BCLAF1: variants seen among roughly 807,000 people sequenced by gnomAD.
BCLAF1 encodes bcl-2-associated transcription factor 1.
Under a neutral mutation model 99.5 loss-of-function variants are expected in BCLAF1, and 10 were observed. The observed-to-expected ratio is 0.10, with a 90% CI of 0.06 to 0.17. The LOEUF (loss-of-function observed/expected upper bound fraction) is 0.17. Among genes scored for constraint, BCLAF1 ranks in the 10% least tolerant of loss-of-function variants. BCLAF1 has a pLI of 1.00. For missense variants in BCLAF1, 636 were observed against 1,105.8 expected (o/e 0.58, Z 6.02); for synonymous variants, 255 against 370.9 (o/e 0.69, Z 3.59).
intron 6 of BCLAF1, chr6:136,274,256 G>A: frequency 3.6e-6 from 3 of 827,972 alleles, no homozygotes; most frequent in Non-Finnish European, 5.1e-6. Flanking sequence ...GAGCTGTTCA[G>A]ATCGGTTGCA....
Position 136,288,901 on chromosome 6 carries a change from G to T in BCLAF1, c.-115+812C>A, listed in dbSNP as rs3799402. On this transcript the variant is annotated intron_variant, in intron 1 of 12. Coordinates refer to ENST00000531224, the MANE Select transcript of BCLAF1 (RefSeq NM_014739.3). ...AAGACTCGGCTTCGCTAGTACTCAT[G>T]AAGAACCGCACTTTCAGCCGGATGG... is the stretch of plus-strand genomic sequence containing the variant. Among the ~76,000 whole-genome samples, 149 of 152,324 alleles carry T rather than the reference G, an allele frequency of 9.8e-4. 3 individuals are homozygous for T. In the East Asian group the frequency reaches 0.023, roughly 24 times the overall value.
At chr6:136,273,843 A>G (rs866764157) in intron 6 of BCLAF1, 49 of 481,588 alleles carry the variant, frequency 1.0e-4, no homozygotes, top group Middle Eastern at 1.9e-3. Context: ...TTTTAAAACC[A>G]GTTCAAGATA....
At chr6:136,264,334 G>A (rs1289614080) in intron 11 of BCLAF1, among the ~76,000 whole-genome samples, 6 of 152,054 alleles carry the variant, frequency 3.9e-5, no homozygotes, top group Non-Finnish European at 8.8e-5. Context: ...AGCCTCCCGA[G>A]TAGTTGGGAC....
intron 11 of BCLAF1, 97 bp from the exon 12 acceptor site, chr6:136,261,574 G>T: frequency 8.1e-7 from 1 of 1,238,992 alleles, no homozygotes; most frequent in Non-Finnish European, 1.1e-6. Context: ...CTGAAGATTG[G>T]GTATATGAGA....
intron 1 of BCLAF1, among the ~76,000 whole-genome samples, chr6:136,285,633 T>C (rs542095876): frequency 2.5e-4 from 38 of 152,310 alleles, no homozygotes; most frequent in African/African-American, 8.9e-4. Flanking sequence ...AAGGAATAAA[T>C]TGCCATATGT....
At chr6:136,287,872 T>A (rs1013656523) in intron 1 of BCLAF1, among the ~76,000 whole-genome samples, 1 of 152,022 alleles carries the variant, frequency 6.6e-6, no homozygotes, top group African/African-American at 2.4e-5. Context: ...AATACAAAAA[T>A]TAGCCCGGTG....
chr6:136,268,540 C>T, intron 9 of BCLAF1: 3 of 534,170 alleles, frequency 5.6e-6, no homozygotes, highest in African/African-American at 3.9e-5. Context: ...TAATGAAAAA[C>T]ATGCTAGGGC....
At chr6:136,270,892 ATTAT>A (rs1393226760) in intron 8 of BCLAF1, among the ~76,000 whole-genome samples, 1 of 151,828 alleles carries the variant, frequency 6.6e-6, no homozygotes, top group Non-Finnish European at 1.5e-5. Context: ...AACCCAAGAT[ATTAT>A]TTAAGTTAAA....
chr6:136,286,770 C>A (rs1185025946), intron 1 of BCLAF1, among the ~76,000 whole-genome samples: 2 of 152,128 alleles, frequency 1.3e-5, no homozygotes, highest in African/African-American at 4.8e-5. Context: ...GAGTTCGAGA[C>A]CAGCCTGGCC....
chr6:136,286,668 G>A (rs748233259), intron 1 of BCLAF1, among the ~76,000 whole-genome samples: 1 of 152,122 alleles, frequency 6.6e-6, no homozygotes, highest in African/African-American at 2.4e-5. Context: ...AGTCTTTCTA[G>A]ACATGCTTAA....
At position 136,276,461 on chromosome 6, in the gene BCLAF1, G is replaced by A. The variant is rs370077673; in HGVS notation, c.1064C>T (p.Thr355Ile). The A allele has an allele frequency of 3.2e-6, 5 of 1,541,718 alleles. No homozygotes were observed. The highest frequency in any genetic ancestry group is 1.4e-5 in the African/African-American group (1 of 71,854). The change falls in exon 5 of 13, where the codon ACC becomes ATC. Residue 355 changes from threonine to isoleucine, a missense_variant. Transcript: ENST00000531224. ...CTCTTTTGAAGCCTCTTTATCCCTG[G>A]TATTACCCCTATCAAGCAGGAATAC... ...SRVFLLDRGN[T>I]RDKEASKEKG...
intron 11 of BCLAF1, among the ~76,000 whole-genome samples, chr6:136,263,167 C>G (rs981412885): frequency 6.6e-6 from 1 of 152,148 alleles, no homozygotes; most frequent in Non-Finnish European, 1.5e-5. Context: ...AACTGAGGCA[C>G]TGAGAAATTA....
At chr6:136,278,882 T>TA in intron 3 of BCLAF1, 106 bp from the exon 4 acceptor site, 2 of 1,151,934 alleles carry the variant, frequency 1.7e-6, no homozygotes, top group East Asian at 5.3e-5. Flanking sequence ...AAGGCAAAAA[T>TA]ACACTTTTTT....
chr6:136,275,917 T>C lies in BCLAF1; in HGVS notation c.1608A>G (p.Lys536=). ...TFREESPLRI[K]MIASDSHRPE... is the part of the protein sequence containing the mutation. Reference sequence around the variant, plus strand: ...GACGGTGAGAATCACTCGCTATCATTTTGATCCTAAGTGGGCTTTCCTCTC... The same window carrying C: ...GACGGTGAGAATCACTCGCTATCATCTTGATCCTAAGTGGGCTTTCCTCTC... The change falls in exon 5 of 13, where the codon AAA becomes AAG. Residue 536 remains lysine (K), a synonymous_variant. Transcript: ENST00000531224. 6.2e-7 allele frequency: 1 copy of C among 1,612,908 alleles called. No homozygotes were observed. Among genetic ancestry groups the C allele is most frequent in the Non-Finnish European group, 8.5e-7 (1 of 1,179,608 alleles).
At chr6:136,280,191 G>A (rs906969808) in intron 2 of BCLAF1, among the ~76,000 whole-genome samples, 4 of 152,176 alleles carry the variant, frequency 2.6e-5, no homozygotes, top group Admixed American at 6.5e-5. Context: ...AGCATGTTAT[G>A]TGTTATTCCA....
chr6:136,267,131 C>T lies in BCLAF1; in HGVS notation c.2442G>A (p.Gly814=). 1 of 1,613,038 alleles carries T rather than the reference C, an allele frequency of 6.2e-7. No individual in the cohort carries two copies. The highest frequency in any genetic ancestry group is 8.5e-7 in the Non-Finnish European group (1 of 1,179,300). ...TTGAGTTGTTTGGACCAGTATTTGT[C>T]CCAGCAAAAACTCCTCTGGCTCTTC... ...GRGRARGVFA[G]TNTGPNNSNT... Residue 814 remains glycine (G), a synonymous_variant, in exon 11 of 13, where the codon GGG becomes GGA. Coordinates refer to ENST00000531224, the MANE Select transcript of BCLAF1 (RefSeq NM_014739.3).
rs372953242 is a variant in BCLAF1 at position 136,266,864 on chromosome 6, C to T, written c.2544+165G>A. 1.8e-4 allele frequency among the ~76,000 whole-genome samples: 27 copies of T among 152,006 alleles called. No homozygotes were observed. The South Asian group carries it at 5.4e-3, about 30-fold the overall frequency. ...AAAGTATGAACAGGACTAAAGGGAC[C>T]CACATTTTTCAAAATTTCAAATCGT... On this transcript the variant is annotated intron_variant, in intron 11 of 12. Transcript: ENST00000531224.
intron 8 of BCLAF1, among the ~76,000 whole-genome samples, chr6:136,271,696 T>TA (rs1263070130): frequency 2.0e-5 from 3 of 151,968 alleles, no homozygotes; most frequent in African/African-American, 7.2e-5. Context: ...TTCTAATTTG[T>TA]ATCTTTGATT....
chr6:136,268,628 C>A, intron 9 of BCLAF1: 1 of 265,038 alleles, frequency 3.8e-6, no homozygotes, highest in South Asian at 4.6e-5. Flanking sequence ...TAAGTTATGT[C>A]TTTTATTACT....
Sources: allele counts gnomAD v4.1 joint callset (sites outside exome capture counted in the v4.1 genomes callset), GRCh38; gene constraint gnomAD v4.1.1; transcripts MANE v1.5; gene names NCBI Gene and HGNC (gene_info 2026-07-23, HGNC 2026-07-21).